Variants in PAK3 observed in about 807,000 individuals in gnomAD.
PAK3 encodes serine/threonine-protein kinase PAK 3.
Under a neutral mutation model 41.0 loss-of-function variants are expected in PAK3, and 4 were observed. That is an observed-to-expected ratio of 0.10 (90% CI 0.05 to 0.22). The LOEUF (loss-of-function observed/expected upper bound fraction) is 0.22. Ranked by LOEUF, PAK3 falls within the 10% of genes least tolerant of loss-of-function variation. The pLI is 1.00. For missense variants in PAK3, 205 were observed against 409.9 expected (o/e 0.50, Z 4.32); for synonymous variants, 146 against 139.6 (o/e 1.05, Z -0.32).
chrX:111,117,670 A>G (rs2093490176), intron 4 of PAK3, among the ~76,000 whole-genome samples: 1 of 111,927 alleles, frequency 8.9e-6, no homozygotes, highest in Non-Finnish European at 1.9e-5. Flanking sequence ...AACATTATGA[A>G]AAACTTACTC....
intron 1 of PAK3, among the ~76,000 whole-genome samples, chrX:111,039,994 C>CAAAA (rs141289134): frequency 1.0e-4 from 5 of 49,229 alleles, no homozygotes; most frequent in Admixed American, 2.4e-4. Context: ...GTAGATGGAG[C>CAAAA]AAAAAAAAAA....
At chrX:111,108,223 G>T (rs1240020480) in intron 4 of PAK3, among the ~76,000 whole-genome samples, 1 of 112,241 alleles carries the variant, frequency 8.9e-6, no homozygotes, top group Non-Finnish European at 1.9e-5. Flanking sequence ...CTTCCTTGTA[G>T]ATAGCTTGCT....
rs2094953302 is a variant in PAK3, at chrX:111,226,391, C to T, written c.*5944C>T. On this transcript the variant is annotated 3_prime_UTR_variant, in exon 18 of 18. Transcript: ENST00000372007. ...CCAGTATTTGCCACTACAACAGAAACACACTGTCACACTTGCTAGAATATA... is the reference window on the plus strand; with the variant it reads ...CCAGTATTTGCCACTACAACAGAAATACACTGTCACACTTGCTAGAATATA... 9.0e-6 allele frequency: 1 copy of T among 111,494 alleles called. No homozygotes were observed. The highest frequency in any genetic ancestry group is 1.9e-5 in the Non-Finnish European group (1 of 53,202). The allele number at this position is 111,494 out of a possible 1,213,427, so 9.2% of individuals were successfully genotyped here.
intron 1 of PAK3, among the ~76,000 whole-genome samples, chrX:111,050,081 T>C (rs1471873671): frequency 8.9e-6 from 1 of 111,882 alleles, no homozygotes; most frequent in Admixed American, 9.4e-5. Flanking sequence ...AAGGGATCTG[T>C]CTATCACATT....
At chrX:111,050,028 G>A (rs1334247058) in intron 1 of PAK3, among the ~76,000 whole-genome samples, 1 of 111,701 alleles carries the variant, frequency 9.0e-6, no homozygotes, top group Non-Finnish European at 1.9e-5. Flanking sequence ...GGGATTCCTT[G>A]AGGAATAAAA....
chrX:111,215,804 A>G (rs1489091224), intron 16 of PAK3, among the ~76,000 whole-genome samples: 1 of 112,276 alleles, frequency 8.9e-6, no homozygotes, highest in East Asian at 2.8e-4. Flanking sequence ...CCTTCATGGG[A>G]AATCTAATTA....
chrX:111,219,404 C>A (rs980325651), intron 17 of PAK3, among the ~76,000 whole-genome samples: 1 of 109,586 alleles, frequency 9.1e-6, no homozygotes, highest in Non-Finnish European at 1.9e-5. Context: ...CATTTCTTGA[C>A]CCTATGTAAC....
intron 17 of PAK3, 91 bp downstream of exon 17, chrX:111,216,649 T>G (rs1045545986): frequency 2.6e-6 from 2 of 768,090 alleles, no homozygotes; most frequent in Non-Finnish European, 4.0e-6. Flanking sequence ...AAGAGATGTC[T>G]AGAGTTAGGC....
At chrX:110,970,121 T>G (rs2091174707) in intron 1 of PAK3, among the ~76,000 whole-genome samples, 1 of 112,370 alleles carries the variant, frequency 8.9e-6, no homozygotes, top group African/African-American at 3.2e-5. Flanking sequence ...ACATGTTCAT[T>G]ACTAGCATAT....
chrX:111,035,105 C>CAAAAAAAAAAAAAAA (rs533876214), intron 1 of PAK3, among the ~76,000 whole-genome samples: 1 of 39,556 alleles, frequency 2.5e-5, no homozygotes, highest in African/African-American at 1.4e-4. Context: ...GACCCTGTCT[C>CAAAAAAAAAAAAAAA]AAAAAAAAAA....
chrX:110,952,393 G>T (rs188459600), intron 1 of PAK3, among the ~76,000 whole-genome samples: 246 of 111,578 alleles, frequency 2.2e-3, no homozygotes, highest in Non-Finnish European at 2.3e-3. Flanking sequence ...TTTTACAGAT[G>T]GAGAACACAT....
At chrX:110,976,404 A>G (rs2091330964) in intron 1 of PAK3, among the ~76,000 whole-genome samples, 1 of 112,360 alleles carries the variant, frequency 8.9e-6, no homozygotes, top group East Asian at 2.8e-4. Context: ...TCAAACCACA[A>G]TGAGATACCA....
upstream of PAK3, among the ~76,000 whole-genome samples, chrX:111,094,410 CT>C (rs941193436): frequency 9.0e-6 from 1 of 111,317 alleles, no homozygotes; most frequent in Non-Finnish European, 1.9e-5. Context: ...AGCTCTACCA[CT>C]TTCTACAATG....
At chrX:111,000,250 A>T (rs547891346) in intron 1 of PAK3, among the ~76,000 whole-genome samples, 81 of 111,958 alleles carry the variant, frequency 7.2e-4, no homozygotes, top group Admixed American at 1.1e-3. Context: ...ACAAGTACTG[A>T]GTGCCTACCA....
chrX:111,070,942 T>C (rs1293358665), intron 1 of PAK3, among the ~76,000 whole-genome samples: 1 of 112,211 alleles, frequency 8.9e-6, no homozygotes, highest in Non-Finnish European at 1.9e-5. Context: ...ACTCCCATAA[T>C]TGAGGGCAGA....
intron 1 of PAK3, among the ~76,000 whole-genome samples, chrX:111,042,389 T>G (rs2148772974): frequency 8.9e-6 from 1 of 112,154 alleles, no homozygotes; most frequent in South Asian, 3.8e-4. Flanking sequence ...CTGTGTCATT[T>G]TTAGAGCCCA....
chrX:111,041,519 A>G (rs1393703263), intron 1 of PAK3, among the ~76,000 whole-genome samples: 3 of 111,990 alleles, frequency 2.7e-5, no homozygotes, highest in Non-Finnish European at 5.6e-5. Flanking sequence ...CCCAGTATCT[A>G]TAGATCAAGT....
intron 1 of PAK3, among the ~76,000 whole-genome samples, chrX:111,068,726 A>G (rs749763461): frequency 9.4e-4 from 106 of 112,855 alleles, no homozygotes; most frequent in Admixed American, 1.6e-3. Flanking sequence ...TTCTCTGAAT[A>G]TTGCTTTACC....
chrX:111,091,055 G>C (rs759394163), intron 1 of PAK3, among the ~76,000 whole-genome samples: 1 of 111,899 alleles, frequency 8.9e-6, no homozygotes, highest in Non-Finnish European at 1.9e-5. Context: ...TAGGACCATG[G>C]TGGAAGCAGG....
Sources: allele counts gnomAD v4.1 joint callset (sites outside exome capture counted in the v4.1 genomes callset), GRCh38; gene constraint gnomAD v4.1.1; transcripts MANE v1.5; gene names NCBI Gene and HGNC (gene_info 2026-07-23, HGNC 2026-07-21).